ETV3L: variants seen among roughly 807,000 people sequenced by gnomAD.
ETV3L encodes ETS variant transcription factor 3 like.
In ETV3L, 30 loss-of-function variants were observed where a neutral mutation model predicts 27.6. The observed-to-expected ratio is 1.09, with a 90% CI of 0.81 to 1.48. ETV3L has a LOEUF of 1.48. ETV3L is among the 40% of genes most tolerant of loss of function. The probability of loss-of-function intolerance (pLI) is 0.00; values close to 1 mark genes in which losing one functional copy is unlikely to be tolerated. For synonymous variants in ETV3L, 186 were observed against 188.9 expected (o/e 0.98, Z 0.12); for missense variants, 443 against 455.6 (o/e 0.97, Z 0.25).
At position 157,092,439 on chromosome 1, in the gene ETV3L, A is replaced by G; in HGVS notation, c.*210T>C. On this transcript the variant is annotated 3_prime_UTR_variant, in exon 5 of 5. Transcript: ENST00000454449. ...CCTTAGTCTGCTTAGCAATATGGTG[A>G]AAGAGGAGGGGCACCCTGTCTTGGT... 3.5e-6 allele frequency: 2 copies of G among 567,372 alleles called. No homozygotes were observed. Among genetic ancestry groups the G allele is most frequent in the South Asian group, 2.4e-5 (1 of 41,936 alleles). 35.1% of individuals were successfully genotyped at this position (567,372 alleles called of 1,614,324 possible).
At chr1:157,098,925 G>C (rs572957328) in intron 2 of ETV3L, 30 bp from the exon 3 acceptor site, 1 of 1,586,478 alleles carries the variant, frequency 6.3e-7, no homozygotes, top group African/African-American at 1.3e-5. Flanking sequence ...GAATAGAGTT[G>C]GCCCAGCAGT....
Position 157,099,659 on chromosome 1 carries a change from G to C in ETV3L, c.-136C>G. 2 of 725,740 alleles carry C rather than the reference G, an allele frequency of 2.8e-6. No individual in the cohort carries two copies. The highest frequency in any genetic ancestry group is 1.8e-5 in the African/African-American group (1 of 56,712). 45.0% of individuals were successfully genotyped at this position (725,740 alleles called of 1,614,324 possible). A position where few individuals can be genotyped will look rare whatever the true frequency, so the allele number is the denominator to read the frequency against. ...TGGAGGGAAAGAAGGAAGGAAGGGA[G>C]AGGGTCAGGAAAGAAAGAGAGAAAA... On this transcript the variant is annotated 5_prime_UTR_variant, in exon 1 of 5. Transcript: ENST00000454449.
chr1:157,097,851 CA>C lies in ETV3L; in HGVS notation c.607+16del, dbSNP rs1674262570. ...TGGCTAAGATCCCCCTGGGCCCTCCCAGCCTTGAGCACTCACGGTAGACGCT... is the reference window on the plus strand; with the variant it reads ...TGGCTAAGATCCCCCTGGGCCCTCCCGCCTTGAGCACTCACGGTAGACGCT... On this transcript the variant is annotated intron_variant, in intron 4 of 4. Transcript: ENST00000454449. The C allele has an allele frequency of 6.2e-7, 1 of 1,612,096 alleles. No homozygotes were observed. The highest frequency in any genetic ancestry group is 1.3e-5 in the African/African-American group (1 of 74,988).
intron 4 of ETV3L, 56 bp downstream of exon 4, chr1:157,097,812 G>C: frequency 1.2e-6 from 2 of 1,605,952 alleles, no homozygotes; most frequent in South Asian, 2.2e-5. Context: ...CAGCCAGGAG[G>C]GCCCTCCCTC....
intron 4 of ETV3L, among the ~76,000 whole-genome samples, chr1:157,095,065 A>G (rs922431795): frequency 2.0e-4 from 30 of 152,190 alleles, no homozygotes; most frequent in Non-Finnish European, 1.5e-4. Flanking sequence ...GGAGGCCCCT[A>G]TCAGAACACC....
Position 157,099,353 on chromosome 1 carries a change from G to C in ETV3L, c.84C>G (p.Tyr28Ter). The change falls in exon 2 of 5, where the codon TAC becomes TAG. Residue 28 changes from tyrosine to a stop codon, truncating the protein, a stop_gained. Transcript: ENST00000454449. LOFTEE classifies it high-confidence loss of function. ...GGGAGCCTGGGGACGACTCGGCTTT[G>C]TAGGCCCAATCAGGGAAGGCCAACC... ...ISGLAFPDWAYKAESSPGSRQ... is the reference protein window; with the variant it reads ...ISGLAFPDWA The C allele has an allele frequency of 1.9e-6, 3 of 1,614,164 alleles. No individual in the cohort carries two copies. The highest frequency in any genetic ancestry group is 2.5e-6 in the Non-Finnish European group (3 of 1,180,030).
chr1:157,096,696 G>C (rs1272143071), intron 4 of ETV3L, among the ~76,000 whole-genome samples: 1 of 152,198 alleles, frequency 6.6e-6, no homozygotes, highest in Non-Finnish European at 1.5e-5. Context: ...CGAGGCAGGC[G>C]GATCACCTGA....
chr1:157,098,697 C>A lies in ETV3L; in HGVS notation c.486+9G>T, dbSNP rs183986526. On this transcript the variant is annotated intron_variant, in intron 3 of 4. Transcript: ENST00000454449. ...GGAGCCCTGAGACAGGGGCCACCTC[C>A]GCTCTTACCTCACTCTGCACACCCA... 1 of 1,573,602 alleles carries A rather than the reference C, an allele frequency of 6.4e-7. No homozygotes were observed. The highest frequency in any genetic ancestry group is 8.6e-7 in the Non-Finnish European group (1 of 1,160,134).
At position 157,092,228 on chromosome 1, in the gene ETV3L, T is replaced by G; in HGVS notation, c.*421A>C. ...ATGGGAGAGAAGTTGCATGGAGGGG[T>G]GAGAAAGGGACTGGAGACCTTAGCC... On this transcript the variant is annotated 3_prime_UTR_variant, in exon 5 of 5. Transcript: ENST00000454449. The G allele has an allele frequency of 6.3e-6, 1 of 158,736 alleles. No individual in the cohort carries two copies. The highest frequency in any genetic ancestry group is 6.1e-5 in the Admixed American group (1 of 16,418). 9.8% of individuals were successfully genotyped at this position (158,736 alleles called of 1,614,324 possible). A position where few individuals can be genotyped will look rare whatever the true frequency, so the allele number is the denominator to read the frequency against.
At chr1:157,096,016 C>A (rs1162345193) in intron 4 of ETV3L, among the ~76,000 whole-genome samples, 1 of 152,172 alleles carries the variant, frequency 6.6e-6, no homozygotes, top group African/African-American at 2.4e-5. Flanking sequence ...ACCTCTTCTC[C>A]CACTCATTGG....
At chr1:157,094,308 C>A (rs1380912810) in intron 4 of ETV3L, among the ~76,000 whole-genome samples, 1 of 152,186 alleles carries the variant, frequency 6.6e-6, no homozygotes. Flanking sequence ...AGGCCCAGGG[C>A]AGGTATGGGG....
chr1:157,098,869 T>C lies in ETV3L; in HGVS notation c.323A>G (p.His108Arg), dbSNP rs1483917535. 4 of 1,613,276 alleles carry C rather than the reference T, an allele frequency of 2.5e-6. No homozygotes were observed. The African/African-American group carries it at 5.3e-5, about 22-fold the overall frequency. Residue 108 changes from histidine to arginine, a missense_variant, in exon 3 of 5, where the codon CAT becomes CGT. Physicochemically the swap from His to Arg is conservative, Grantham distance 29. Transcript: ENST00000454449. ...TGTGAACCTTTTGCCTTTGGTCTTA[T>C]GCAGGATCCTCTTATTGTAGTAATA... ...LRYYYNKRILHKTKGKRFTYK... is the reference protein window; with the variant it reads ...LRYYYNKRILRKTKGKRFTYK...
chr1:157,097,784 C>G, intron 4 of ETV3L, 84 bp downstream of exon 4: 1 of 1,522,144 alleles, frequency 6.6e-7, no homozygotes, highest in Non-Finnish European at 9.0e-7. Context: ...TTGTCTCATG[C>G]CCCCTCAGCC....
Position 157,098,790 on chromosome 1 carries a change from C to T in ETV3L, c.402G>A (p.Val134=). 5.0e-6 allele frequency: 8 copies of T among 1,614,110 alleles called. No homozygotes were observed. Among genetic ancestry groups the T allele is most frequent in the Non-Finnish European group, 6.8e-6 (8 of 1,179,988 alleles). The part of the protein sequence containing the change: ...LIVVNYPLWE[V]RAPPSPHLLL... ...GCAAGTGGGGGGATGGCGGCGCCCG[C>T]ACTTCCCACAAAGGATAGTTGACTA... is the stretch of plus-strand genomic sequence containing the variant. Residue 134 remains valine (V), a synonymous_variant, in exon 3 of 5, where the codon GTG becomes GTA. Coordinates refer to ENST00000454449, the MANE Select transcript of ETV3L (RefSeq NM_001004341.2).
In ETV3L at chr1:157,093,109, C is replaced by A. The variant is rs1046755456; in HGVS notation, c.626G>T (p.Gly209Val). The stretch of plus-strand genomic sequence containing the variant: ...GCAGCAAAGGCCCAGCCGGCAGGGG[C>A]CTGGGGCAGAGCCAAGTCCTAGAGA... Reference protein sequence around the residue: ...SSVYRLGSAPGPCRLGLCCHL... With the variant: ...SSVYRLGSAPVPCRLGLCCHL... Residue 209 changes from glycine to valine, a missense_variant, in exon 5 of 5, where the codon GGC (glycine) becomes GTC (valine). Gly to Val is a moderately radical substitution (Grantham distance 109). Coordinates refer to ENST00000454449, the MANE Select transcript of ETV3L (RefSeq NM_001004341.2). The A allele has an allele frequency of 1.4e-6, 2 of 1,460,044 alleles. No individual in the cohort carries two copies. The highest frequency in any genetic ancestry group is 1.8e-6 in the Non-Finnish European group (2 of 1,105,296). The allele number at this position is 1,460,044 out of a possible 1,614,324, so 90.4% of individuals were successfully genotyped here. A position where few individuals can be genotyped will look rare whatever the true frequency, so the allele number is the denominator to read the frequency against.
chr1:157,095,774 C>T (rs1300611893), intron 4 of ETV3L, among the ~76,000 whole-genome samples: 1 of 152,134 alleles, frequency 6.6e-6, no homozygotes, highest in Non-Finnish European at 1.5e-5. Context: ...CACCCATGGC[C>T]TCAGCTGCAC....
rs1674307541 is a variant in ETV3L, at chr1:157,099,792, C to T, written c.-269G>A. 5 of 577,964 alleles carry T rather than the reference C, an allele frequency of 8.7e-6. No individual in the cohort carries two copies. Among genetic ancestry groups the T allele is most frequent in the Admixed American group, 6.3e-5 (2 of 31,972 alleles). The allele number at this position is 577,964 out of a possible 1,614,324, so 35.8% of individuals were successfully genotyped here. A position where few individuals can be genotyped will look rare whatever the true frequency, so the allele number is the denominator to read the frequency against. On this transcript the variant is annotated 5_prime_UTR_variant, in exon 1 of 5. Coordinates refer to ENST00000454449, the MANE Select transcript of ETV3L (RefSeq NM_001004341.2). The stretch of plus-strand genomic sequence containing the variant: ...CCCCCTCTGGGGACCTCCCCGCTGC[C>T]CAGGGCTGACTCGGACTCAGGGCTT...
intron 4 of ETV3L, among the ~76,000 whole-genome samples, chr1:157,095,775 T>G (rs1674208099): frequency 6.6e-6 from 1 of 152,120 alleles, no homozygotes; most frequent in Non-Finnish European, 1.5e-5. Flanking sequence ...ACCCATGGCC[T>G]CAGCTGCACT....
At chr1:157,097,470 CAAAAAAAAA>C (rs150226645) in intron 4 of ETV3L, among the ~76,000 whole-genome samples, 35 of 102,902 alleles carry the variant, frequency 3.4e-4, no homozygotes, top group African/African-American at 1.3e-3. Flanking sequence ...GACTCCGTCT[CAAAAAAAAA>C]AAAAAAAAAA....
Sources: allele counts gnomAD v4.1 joint callset (sites outside exome capture counted in the v4.1 genomes callset), GRCh38; gene constraint gnomAD v4.1.1; transcripts MANE v1.5; gene names NCBI Gene and HGNC (gene_info 2026-07-23, HGNC 2026-07-21).